Variants in TRNAU1AP observed in about 807,000 individuals in gnomAD.
TRNAU1AP encodes the protein tRNA selenocysteine 1 associated protein 1.
A neutral mutation model predicts 43.3 loss-of-function variants in TRNAU1AP; 33 were observed. That is an observed-to-expected ratio of 0.76 (90% CI 0.58 to 1.02). The LOEUF is 1.02. Among genes scored for constraint, TRNAU1AP ranks in the 50% least tolerant of loss-of-function variants. The probability of loss-of-function intolerance (pLI) is 0.00; values close to 1 mark genes in which losing one functional copy is unlikely to be tolerated. For synonymous variants in TRNAU1AP, 143 were observed against 129.1 expected, an observed-to-expected ratio of 1.11 and a Z score of -0.73; for missense variants, 290 against 362.7, an observed-to-expected ratio of 0.80 and a Z score of 1.63.
chr1:28,564,951 C>G (rs1214285522), intron 5 of TRNAU1AP, 117 bp downstream of exon 5: 1 of 1,277,696 alleles, frequency 7.8e-7, no homozygotes, highest in East Asian at 2.3e-5. Flanking sequence ...GCTCTGGAGC[C>G]AAACTGCCTG....
chr1:28,572,762 G>A lies in TRNAU1AP; in HGVS notation c.727+862G>A, dbSNP rs6662008. ...ATCCTGGCTAACACGGTGAAACCCC[G>A]TCTCTACTAAAAAATAGAAAAAATT... On this transcript the variant is annotated intron_variant, in intron 8 of 8. Coordinates refer to ENST00000373830, the MANE Select transcript of TRNAU1AP (RefSeq NM_017846.5). Among the ~76,000 whole-genome samples the A allele has an allele frequency of 3.3e-3, 503 of 150,762 alleles. 2 individuals carry two copies. Among genetic ancestry groups the A allele is most frequent in the African/African-American group, 0.01 (422 of 41,238 alleles).
chr1:28,561,730 G>A (rs1665408583), intron 4 of TRNAU1AP, among the ~76,000 whole-genome samples: 1 of 152,202 alleles, frequency 6.6e-6, no homozygotes, highest in South Asian at 2.1e-4. Context: ...CTGAGCCTAG[G>A]AGTTCAAGAA....
Position 28,567,371 on chromosome 1 carries a change from T to G in TRNAU1AP, c.488T>G (p.Leu163Arg). ...ALTECQGAVGLGSKPVRLSVA... is the reference protein window; with the variant it reads ...ALTECQGAVGRGSKPVRLSVA... The stretch of plus-strand genomic sequence containing the variant: ...ACGGAGTGCCAGGGAGCAGTGGGAC[T>G]GGGGTCTAAGCCTGTGCGGCTGAGC... Residue 163 changes from leucine to arginine, a missense_variant, in exon 6 of 9, where the codon CTG (leucine) becomes CGG (arginine). By Grantham distance (102) the Leu-to-Arg change is moderately radical (BLOSUM62 -2). This residue lies in a region of TRNAU1AP where 174 missense variants were observed against 262.1 expected (regional missense o/e 0.66). Coordinates refer to ENST00000373830, the MANE Select transcript of TRNAU1AP (RefSeq NM_017846.5). 1 of 1,613,954 alleles carries G rather than the reference T, an allele frequency of 6.2e-7. No individual in the cohort carries two copies. The highest frequency in any genetic ancestry group is 8.5e-7 in the Non-Finnish European group (1 of 1,179,968).
At chr1:28,564,368 C>G (rs762744545) in intron 4 of TRNAU1AP, among the ~76,000 whole-genome samples, 1 of 152,134 alleles carries the variant, frequency 6.6e-6, no homozygotes, top group Non-Finnish European at 1.5e-5. Context: ...TTAAAATATA[C>G]AAGGAATGCA....
chr1:28,554,206 A>AAAC (rs1429124899), intron 2 of TRNAU1AP, among the ~76,000 whole-genome samples: 6 of 145,300 alleles, frequency 4.1e-5, no homozygotes, highest in African/African-American at 8.5e-5. Flanking sequence ...CTCAAAAAAA[A>AAAC]AAAAAACAAA....
intron 2 of TRNAU1AP, among the ~76,000 whole-genome samples, chr1:28,557,040 C>T (rs1665280969): frequency 6.8e-6 from 1 of 147,240 alleles, no homozygotes. Flanking sequence ...CCTCGAACTC[C>T]TGACCTCAGG....
intron 6 of TRNAU1AP, among the ~76,000 whole-genome samples, chr1:28,568,659 T>C (rs1665592278): frequency 6.6e-6 from 1 of 152,088 alleles, no homozygotes; most frequent in Admixed American, 6.6e-5. Context: ...TCTGGAGACA[T>C]TTTTGGTTAT....
chr1:28,560,903 T>G (rs921674486), intron 3 of TRNAU1AP, 171 bp downstream of exon 3: 11 of 873,256 alleles, frequency 1.3e-5, no homozygotes, highest in Non-Finnish European at 1.7e-5. Context: ...TTGAAATAAC[T>G]TGTCCAAGGC....
chr1:28,559,165 G>C (rs979502931), intron 2 of TRNAU1AP, among the ~76,000 whole-genome samples: 1 of 151,632 alleles, frequency 6.6e-6, no homozygotes, highest in African/African-American at 2.4e-5. Context: ...TCTGCCTCCC[G>C]GGTTCAAGCA....
At chr1:28,576,595 G>T (rs943481365) in intron 8 of TRNAU1AP, among the ~76,000 whole-genome samples, 1 of 151,556 alleles carries the variant, frequency 6.6e-6, no homozygotes, top group African/African-American at 2.4e-5. Context: ...GGGATTACAG[G>T]CGTGAGCCAC....
chr1:28,557,900 T>C (rs1665308931), intron 2 of TRNAU1AP, among the ~76,000 whole-genome samples: 1 of 115,370 alleles, frequency 8.7e-6, no homozygotes, highest in African/African-American at 5.1e-5. Context: ...ACCCAGCTAA[T>C]TTTTTTTTTT....
chr1:28,558,544 C>T (rs1222430501), intron 2 of TRNAU1AP, among the ~76,000 whole-genome samples: 2 of 150,198 alleles, frequency 1.3e-5, no homozygotes, highest in Non-Finnish European at 3.0e-5. Flanking sequence ...CAGGCACACA[C>T]CACTACGCCC....
chr1:28,556,707 G>A (rs1325726637), intron 2 of TRNAU1AP, among the ~76,000 whole-genome samples: 1 of 151,380 alleles, frequency 6.6e-6, no homozygotes, highest in African/African-American at 2.4e-5. Context: ...TTTTTGAGAC[G>A]GAGTCTCGCT....
At chr1:28,572,634 G>GA (rs1332868252) in intron 8 of TRNAU1AP, among the ~76,000 whole-genome samples, 1 of 151,140 alleles carries the variant, frequency 6.6e-6, no homozygotes, top group East Asian at 1.9e-4. Context: ...GGAAAATTTG[G>GA]AAAATATAGT....
intron 5 of TRNAU1AP, among the ~76,000 whole-genome samples, chr1:28,566,444 C>T (rs1665540140): frequency 6.6e-6 from 1 of 151,526 alleles, no homozygotes; most frequent in South Asian, 2.1e-4. Flanking sequence ...ATAGCGAAAC[C>T]CAGGTCTCCA....
intron 2 of TRNAU1AP, among the ~76,000 whole-genome samples, chr1:28,556,565 G>A (rs570614800): frequency 6.9e-6 from 1 of 145,902 alleles, no homozygotes; most frequent in East Asian, 2.1e-4. Context: ...AGGCTGAAGT[G>A]CAATGGCACC....
rs1229157153 is a variant in TRNAU1AP, at chr1:28,553,129, A to G, written c.19A>G (p.Met7Val). Residue 7 changes from methionine to valine, a missense_variant, in exon 1 of 9, where the codon ATG (methionine) becomes GTG (valine). By Grantham distance (21) the Met-to-Val change is conservative. Around this residue, in one of 3 missense-constraint regions of TRNAU1AP, gnomAD observed 59 missense variants for 45.5 expected, o/e 1.30. Coordinates refer to ENST00000373830, the MANE Select transcript of TRNAU1AP (RefSeq NM_017846.5). Reference protein sequence around the residue: MAASLWMGDLEPYMDEN... With the variant: MAASLWVGDLEPYMDEN... ...CGCGGGTATGGCGGCCAGCCTGTGG[A>G]TGGGCGACGTGAGTGAGGGCAGCCG... 17 of 1,519,946 alleles carry G rather than the reference A, an allele frequency of 1.1e-5. No homozygotes were observed. Among genetic ancestry groups the G allele is most frequent in the African/African-American group, 2.8e-5 (2 of 70,674 alleles). The allele number at this position is 1,519,946 out of a possible 1,614,324, so 94.2% of individuals were successfully genotyped here.
chr1:28,574,324 G>A lies in TRNAU1AP; in HGVS notation c.727+2424G>A, dbSNP rs376677940. Among the ~76,000 whole-genome samples the A allele has an allele frequency of 2.2e-4, 33 of 152,160 alleles. No homozygotes were observed. The East Asian group carries it at 5.2e-3, about 24-fold the overall frequency. On this transcript the variant is annotated intron_variant, in intron 8 of 8. Coordinates refer to ENST00000373830, the MANE Select transcript of TRNAU1AP (RefSeq NM_017846.5). The stretch of plus-strand genomic sequence containing the variant: ...GCTGGTTTCGAACTCCTTACCTCAA[G>A]TAATCCTCCCGCCTCAGCCTCCCAA...
intron 2 of TRNAU1AP, among the ~76,000 whole-genome samples, chr1:28,558,840 C>T (rs1017208572): frequency 1.3e-5 from 2 of 152,128 alleles, no homozygotes; most frequent in Admixed American, 6.6e-5. Context: ...GCTGGGATTA[C>T]AGGCGTGAGC....
Sources: allele counts gnomAD v4.1 joint callset (sites outside exome capture counted in the v4.1 genomes callset), GRCh38; gene constraint gnomAD v4.1.1; regional missense constraint gnomAD v4.1.1; transcripts MANE v1.5; gene names NCBI Gene and HGNC (gene_info 2026-07-23, HGNC 2026-07-21).